PLCH1: variants seen among roughly 807,000 people sequenced by gnomAD.
The protein encoded by PLCH1 is phospholipase C eta 1, also known as 1-phosphatidylinositol 4,5-bisphosphate phosphodiesterase eta-1.
In PLCH1, 60 loss-of-function variants were observed where a neutral mutation model predicts 126.7. The observed-to-expected ratio is 0.47, with a 90% confidence interval of 0.38 to 0.59. The LOEUF is 0.59. Ranked by LOEUF, PLCH1 falls within the 20% of genes least tolerant of loss-of-function variation. PLCH1 has a pLI of 0.00. For missense variants in PLCH1, 1,723 were observed against 2,040.0 expected (o/e 0.84, Z 2.99); for synonymous variants, 719 against 734.9 (o/e 0.98, Z 0.35).
intron 5 of PLCH1, among the ~76,000 whole-genome samples, chr3:155,584,028 CTT>C (rs1303629396): frequency 6.6e-6 from 1 of 151,482 alleles, no homozygotes; most frequent in African/African-American, 2.4e-5. Context: ...AACTTGAAGT[CTT>C]AAATTACTAG....
chr3:155,494,596 T>A, intron 15 of PLCH1, 79 bp from the exon 16 acceptor site: 1 of 1,139,742 alleles, frequency 8.8e-7, no homozygotes, highest in Non-Finnish European at 1.3e-6. Flanking sequence ...TTTATAATAA[T>A]GTCAGATTAT....
At chr3:155,490,688 A>C in intron 19 of PLCH1, 96 bp downstream of exon 19, 7 of 679,776 alleles carry the variant, frequency 1.0e-5, no homozygotes, top group Non-Finnish European at 1.8e-5. Flanking sequence ...TACGGATTTT[A>C]GAGATTTCTT....
chr3:155,528,772 A>G (rs1308131104), intron 10 of PLCH1, among the ~76,000 whole-genome samples: 2 of 152,212 alleles, frequency 1.3e-5, no homozygotes, highest in Non-Finnish European at 2.9e-5. Flanking sequence ...CTGAGCAGGT[A>G]AGGACACAGA....
intron 4 of PLCH1, among the ~76,000 whole-genome samples, chr3:155,593,470 A>G (rs1026818063): frequency 2.6e-5 from 4 of 152,250 alleles, no homozygotes; most frequent in African/African-American, 9.6e-5. Context: ...TTAGAAAGAG[A>G]AAAAGCAGGA....
chr3:155,737,945 A>G (rs776111024), intron 1 of PLCH1, among the ~76,000 whole-genome samples: 1 of 152,224 alleles, frequency 6.6e-6, no homozygotes, highest in Non-Finnish European at 1.5e-5. Context: ...GTGGACTAGC[A>G]ACAAGGAAGT....
chr3:155,543,535 G>A (rs1461276879), intron 10 of PLCH1, among the ~76,000 whole-genome samples: 3 of 152,162 alleles, frequency 2.0e-5, no homozygotes, highest in African/African-American at 7.2e-5. Context: ...GAAATACAGA[G>A]AACGCCATAA....
chr3:155,564,853 G>T, intron 8 of PLCH1, 62 bp downstream of exon 8: 1 of 1,042,388 alleles, frequency 9.6e-7, no homozygotes, highest in South Asian at 1.3e-5. Context: ...TACTAGACTC[G>T]ACAGACTGAT....
chr3:155,458,045 A>G (rs541470658), intron 21 of PLCH1, among the ~76,000 whole-genome samples: 13 of 152,294 alleles, frequency 8.5e-5, no homozygotes, highest in African/African-American at 2.9e-4. Context: ...GGGATAGATT[A>G]GAAAGTGTGG....
At chr3:155,718,525 G>C (rs1472480479) in intron 1 of PLCH1, among the ~76,000 whole-genome samples, 1 of 152,178 alleles carries the variant, frequency 6.6e-6, no homozygotes, top group African/African-American at 2.4e-5. Context: ...GGTTCTGAAG[G>C]ATGTACAGGA....
At chr3:155,590,637 C>G (rs1289216447) in intron 4 of PLCH1, among the ~76,000 whole-genome samples, 2 of 151,446 alleles carry the variant, frequency 1.3e-5, no homozygotes, top group African/African-American at 4.9e-5. Context: ...GTAGTCCCAG[C>G]TACTCAGGAG....
chr3:155,460,007 G>A (rs1295670255), intron 21 of PLCH1, among the ~76,000 whole-genome samples: 1 of 152,164 alleles, frequency 6.6e-6, no homozygotes, highest in Non-Finnish European at 1.5e-5. Context: ...TTCTGGGGAT[G>A]TGGCCCAGCA....
chr3:155,626,374 A>G lies in PLCH1; in HGVS notation c.80-29996T>C, dbSNP rs142122112. ...CTATAGTCTATACAATTTTAAACAC[A>G]TAAGTACTGCCATATAACTAACTCG... On this transcript the variant is annotated intron_variant, in intron 2 of 22. Coordinates refer to ENST00000460012, the MANE Select transcript of PLCH1 (RefSeq NM_014996.4). Among the ~76,000 whole-genome samples the G allele has an allele frequency of 1.2e-4, 18 of 152,286 alleles. No individual in the cohort carries two copies. In the East Asian group the frequency reaches 3.1e-3, roughly 26 times the overall value.
At chr3:155,467,260 A>T (rs74328244) in intron 21 of PLCH1, among the ~76,000 whole-genome samples, 8,166 of 152,062 alleles carry the variant, frequency 0.054, 385 homozygotes, top group African/African-American at 0.13. Context: ...TGACCAAAAA[A>T]AAAAAATAAA....
At chr3:155,491,749 G>A (rs1475059214) in intron 18 of PLCH1, among the ~76,000 whole-genome samples, 2 of 152,182 alleles carry the variant, frequency 1.3e-5, no homozygotes, top group Non-Finnish European at 2.9e-5. Flanking sequence ...AGGCAGTGGG[G>A]AGGGTAGATA....
intron 21 of PLCH1, among the ~76,000 whole-genome samples, chr3:155,461,978 A>T (rs967334812): frequency 1.3e-5 from 2 of 152,202 alleles, no homozygotes; most frequent in Non-Finnish European, 2.9e-5. Context: ...AATTATTCCA[A>T]ATGAAGCATT....
At position 155,480,658 on chromosome 3, in the gene PLCH1, A is replaced by T; in HGVS notation, c.*310T>A. ...GCAATCTGAGGACACAGTAAAGGACATCTTGGTGAAACACACACACATTAT... is the reference window on the plus strand; with the variant it reads ...GCAATCTGAGGACACAGTAAAGGACTTCTTGGTGAAACACACACACATTAT... On this transcript the variant is annotated 3_prime_UTR_variant, in exon 23 of 23. Coordinates refer to ENST00000460012, the MANE Select transcript of PLCH1 (RefSeq NM_014996.4). 1 of 253,086 alleles carries T rather than the reference A, an allele frequency of 4.0e-6. No individual in the cohort carries two copies. The highest frequency in any genetic ancestry group is 7.5e-5 in the East Asian group (1 of 13,290). 15.7% of individuals were successfully genotyped at this position (253,086 alleles called of 1,614,324 possible). A position where few individuals can be genotyped will look rare whatever the true frequency, so the allele number is the denominator to read the frequency against.
chr3:155,669,015 T>C (rs930925928), intron 2 of PLCH1, among the ~76,000 whole-genome samples: 1 of 152,230 alleles, frequency 6.6e-6, no homozygotes, highest in African/African-American at 2.4e-5. Context: ...AACTCCTTTC[T>C]GTTTACATGT....
Position 155,452,909 on chromosome 3 carries a change from AAT to A in PLCH1, c.2938+32445_2938+32446del, listed in dbSNP as rs1175014616. Among the ~76,000 whole-genome samples, 8 of 152,278 alleles carry A rather than the reference AAT, an allele frequency of 5.3e-5. No homozygotes were observed. The East Asian group carries it at 1.5e-3, about 29-fold the overall frequency. ...AGTATCCCATTCTGTGACTAACTGAAATATATTGCAAGTTGAACTCCCAGCCT... is the reference window on the plus strand; with the variant it reads ...AGTATCCCATTCTGTGACTAACTGAAATATTGCAAGTTGAACTCCCAGCCT... On this transcript the variant is annotated intron_variant, in intron 21 of 21. Coordinates refer to the PLCH1 transcript ENST00000494598.
intron 1 of PLCH1, among the ~76,000 whole-genome samples, chr3:155,719,151 T>C (rs774340482): frequency 6.6e-6 from 1 of 152,160 alleles, no homozygotes; most frequent in Non-Finnish European, 1.5e-5. Flanking sequence ...AGTGTAGTCT[T>C]TTATCCCTCA....
Sources: allele counts gnomAD v4.1 joint callset (sites outside exome capture counted in the v4.1 genomes callset), GRCh38; gene constraint gnomAD v4.1.1; transcripts MANE v1.5; gene names NCBI Gene and HGNC (gene_info 2026-07-23, HGNC 2026-07-21).